Variants in CELF2 observed in about 807,000 individuals in gnomAD.
The protein encoded by CELF2 is CUG triplet repeat RNA-binding protein 2.
Under a neutral mutation model 62.6 loss-of-function variants are expected in CELF2, and 8 were observed. The ratio of observed to expected loss-of-function variants is 0.13; its 90% CI spans 0.07 to 0.23. The LOEUF (loss-of-function observed/expected upper bound fraction) is 0.23. Among genes scored for constraint, CELF2 ranks in the 10% least tolerant of loss-of-function variants. The probability of loss-of-function intolerance (pLI) is 1.00; values close to 1 mark genes in which losing one functional copy is unlikely to be tolerated. For synonymous variants in CELF2, 258 were observed against 250.0 expected (o/e 1.03, Z -0.30); for missense variants, 333 against 671.0 (o/e 0.50, Z 5.56).
At chr10:11,035,228 A>G (rs2139132080) in intron 1 of CELF2, among the ~76,000 whole-genome samples, 1 of 152,302 alleles carries the variant, frequency 6.6e-6, no homozygotes, top group South Asian at 2.1e-4. Context: ...ACCTTTCTCC[A>G]AGCCGTCTTC....
At chr10:11,141,325 T>C (rs918502433) in intron 1 of CELF2, among the ~76,000 whole-genome samples, 1 of 152,064 alleles carries the variant, frequency 6.6e-6, no homozygotes, top group Non-Finnish European at 1.5e-5. Context: ...ATGGAGGACA[T>C]TGGAAGGGTG....
chr10:10,595,276 C>G, the CELF2 span, among the ~76,000 whole-genome samples: 4 of 152,016 alleles, frequency 2.6e-5, no homozygotes, highest in African/African-American at 9.7e-5. Flanking sequence ...AAGCTAAGAA[C>G]TTGACATACA....
At chr10:11,104,540 AGGTGTGT>A (rs1486935735) in intron 1 of CELF2, among the ~76,000 whole-genome samples, 1 of 152,104 alleles carries the variant, frequency 6.6e-6, no homozygotes, top group African/African-American at 2.4e-5. Context: ...AAAATTAGCC[AGGTGTGT>A]GGTGTGTGCC....
In CELF2 at chr10:11,220,686, G is replaced by T. The variant is rs908979319; in HGVS notation, c.354+3179G>T. 6.6e-6 allele frequency among the ~76,000 whole-genome samples: 1 copy of T among 152,178 alleles called. No individual in the cohort carries two copies. Among genetic ancestry groups the T allele is most frequent in the Non-Finnish European group, 1.5e-5 (1 of 68,034 alleles). On this transcript the variant is annotated intron_variant, in intron 3 of 12. Coordinates refer to ENST00000633077, the MANE Select transcript of CELF2 (RefSeq NM_001326342.2). The surrounding 1 kb of genome is among the most constrained non-coding windows in gnomAD (Gnocchi z 4.4). ...CTAGAAATACAATGGCAGTCATAAA[G>T]GAAGCAAATTCAACAGCTCAACACA...
At chr10:11,006,669 T>C (rs969611904) in intron 1 of CELF2, among the ~76,000 whole-genome samples, 1 of 152,244 alleles carries the variant, frequency 6.6e-6, no homozygotes, top group African/African-American at 2.4e-5. Flanking sequence ...TTGGCATCCA[T>C]GTAGATAAAC....
chr10:10,471,109 A>G, the CELF2 span, among the ~76,000 whole-genome samples: 2 of 151,614 alleles, frequency 1.3e-5, no homozygotes, highest in South Asian at 2.1e-4. Flanking sequence ...AATCGCATTT[A>G]TCAGAGAATA....
rs145656220 is a variant in CELF2 at position 11,188,870 on chromosome 10, C to T, written c.271+23188C>T. ...CTCTATTCCATTTTGAAACACAGTTCACTCATCTTTTCTTCAGTGTTTAAT... is the reference window on the plus strand; with the variant it reads ...CTCTATTCCATTTTGAAACACAGTTTACTCATCTTTTCTTCAGTGTTTAAT... On this transcript the variant is annotated intron_variant, in intron 2 of 12. Transcript: ENST00000633077. Among the ~76,000 whole-genome samples the T allele has an allele frequency of 6.4e-3, 980 of 152,182 alleles. 3 individuals are homozygous for T. The highest frequency in any genetic ancestry group is 0.027 in the Middle Eastern group (8 of 294).
chr10:10,631,360 A>T, the CELF2 span, among the ~76,000 whole-genome samples: 4 of 152,194 alleles, frequency 2.6e-5, no homozygotes, highest in African/African-American at 9.7e-5. Context: ...AGGTGACCTG[A>T]AGGGCTTGGA....
the CELF2 span, among the ~76,000 whole-genome samples, chr10:10,606,033 G>A: frequency 6.6e-6 from 1 of 152,188 alleles, no homozygotes; most frequent in African/African-American, 2.4e-5. Context: ...ACGTTGGAAA[G>A]CACTGGTGTT....
chr10:11,292,574 T>C (rs566910414), intron 9 of CELF2, among the ~76,000 whole-genome samples: 1 of 152,156 alleles, frequency 6.6e-6, no homozygotes. Context: ...TACATAAAAA[T>C]GAGTTGGGGC....
intron 1 of CELF2, among the ~76,000 whole-genome samples, chr10:11,053,195 G>A (rs1472391245): frequency 6.6e-6 from 1 of 152,146 alleles, no homozygotes; most frequent in East Asian, 1.9e-4. Context: ...CTGGACATTT[G>A]TTTTATTATT....
At chr10:10,618,801 A>G in the CELF2 span, among the ~76,000 whole-genome samples, 1 of 151,998 alleles carries the variant, frequency 6.6e-6, no homozygotes, top group South Asian at 2.1e-4. Flanking sequence ...GAAAGAGAAA[A>G]GCTCTCTCTC....
At chr10:10,748,668 A>T in the CELF2 span, among the ~76,000 whole-genome samples, 4 of 150,940 alleles carry the variant, frequency 2.7e-5, no homozygotes, top group East Asian at 7.9e-4. Context: ...GAATAGCATG[A>T]ACCCAGAAGG....
At chr10:10,506,094 A>C in the CELF2 span, among the ~76,000 whole-genome samples, 1 of 151,660 alleles carries the variant, frequency 6.6e-6, no homozygotes, top group Non-Finnish European at 1.5e-5. Flanking sequence ...TTTTTTTTAA[A>C]GTTTTACTTA....
the CELF2 span, among the ~76,000 whole-genome samples, chr10:10,681,551 T>C: frequency 1.3e-5 from 2 of 152,206 alleles, no homozygotes; most frequent in East Asian, 1.9e-4. Context: ...GAAAACTTTA[T>C]TGGTCCCCAG....
chr10:11,005,247 A>G, upstream of CELF2: 37 of 1,450,760 alleles, frequency 2.6e-5, no homozygotes, highest in Non-Finnish European at 3.3e-5. The surrounding 1 kb of genome is among the most constrained non-coding windows in gnomAD (Gnocchi z 4.3). Context: ...GGGAAGACAG[A>G]GAGAGAGGGA....
the CELF2 span, among the ~76,000 whole-genome samples, chr10:10,686,806 A>G: frequency 6.6e-6 from 1 of 152,140 alleles, no homozygotes; most frequent in Non-Finnish European, 1.5e-5. Context: ...TCATAGCAGC[A>G]TGGAAATAGA....
chr10:11,230,283 C>T (rs1023134595), intron 3 of CELF2, among the ~76,000 whole-genome samples: 1 of 151,640 alleles, frequency 6.6e-6, no homozygotes, highest in African/African-American at 2.4e-5. Context: ...GAACATCACT[C>T]TGAAAAAATT....
At chr10:10,811,149 G>A (rs866468197) in intron 1 of CELF2, among the ~76,000 whole-genome samples, 1 of 152,214 alleles carries the variant, frequency 6.6e-6, no homozygotes, top group Non-Finnish European at 1.5e-5. Flanking sequence ...GAGTTGTCCT[G>A]TTCAAGGATC....
Sources: gnomAD v4.1 joint callset for allele counts (sites outside exome capture counted in the v4.1 genomes callset) on GRCh38, gnomAD v4.1.1 for gene constraint, Gnocchi (gnomAD v3.1) non-coding constraint, MANE v1.5 for transcripts, NCBI Gene and HGNC (gene_info 2026-07-23, HGNC 2026-07-21) for gene names.